Variants in SYT14 observed in about 807,000 individuals in gnomAD.
SYT14 encodes the protein synaptotagmin 14.
A neutral mutation model predicts 74.2 loss-of-function variants in SYT14; 32 were observed. The ratio of observed to expected loss-of-function variants is 0.43; its 90% confidence interval spans 0.33 to 0.58. The LOEUF is 0.58. SYT14 is among the 20% of genes least tolerant of loss of function. The probability of loss-of-function intolerance (pLI) is 0.05; values close to 1 mark genes in which losing one functional copy is unlikely to be tolerated. For missense variants in SYT14, 791 were observed against 981.8 expected (o/e 0.81, Z 2.60); for synonymous variants, 298 against 337.7 (o/e 0.88, Z 1.29).
At chr1:210,092,535 C>T (rs1305184011) in intron 5 of SYT14, among the ~76,000 whole-genome samples, 1 of 152,156 alleles carries the variant, frequency 6.6e-6, no homozygotes, top group African/African-American at 2.4e-5. Context: ...GTGGCAGCCA[C>T]ACATACTTAC....
At chr1:210,132,306 G>T (rs541135196) in intron 7 of SYT14, among the ~76,000 whole-genome samples, 84 of 151,590 alleles carry the variant, frequency 5.5e-4, no homozygotes, top group Admixed American at 1.7e-3. Flanking sequence ...TCCCATCCTG[G>T]CATGGACATC....
chr1:210,100,245 C>T (rs2082039061), exon 7 of SYT14: 1 of 1,614,060 alleles, frequency 6.2e-7, no homozygotes, highest in Non-Finnish European at 8.5e-7. Context: ...AAACCAGCAT[C>T]CAGAGAGGAC....
intron 1 of SYT14, among the ~76,000 whole-genome samples, chr1:209,942,899 T>A (rs2078758871): frequency 6.6e-6 from 1 of 152,168 alleles, no homozygotes; most frequent in South Asian, 2.1e-4. Context: ...CTAGTGAGAA[T>A]CTATGTGTGT....
intron 2 of SYT14, among the ~76,000 whole-genome samples, chr1:210,001,224 G>A (rs1262444660): frequency 6.6e-6 from 1 of 151,518 alleles, no homozygotes; most frequent in Non-Finnish European, 1.5e-5. Flanking sequence ...ATCAGGCTAA[G>A]TAAGTTACCT....
chr1:210,160,459 T>C (rs779035123), intron 9 of SYT14, among the ~76,000 whole-genome samples: 10 of 152,034 alleles, frequency 6.6e-5, no homozygotes, highest in Non-Finnish European at 1.2e-4. Context: ...GGAAGGATTA[T>C]GAGGTATACC....
intron 2 of SYT14, among the ~76,000 whole-genome samples, chr1:209,993,681 AG>A (rs2079734446): frequency 6.6e-6 from 1 of 152,116 alleles, no homozygotes; most frequent in East Asian, 1.9e-4. Flanking sequence ...ACCTAACAAA[AG>A]AAACTCAGGC....
At chr1:210,085,199 G>A (rs978841009) in intron 5 of SYT14, among the ~76,000 whole-genome samples, 4 of 152,242 alleles carry the variant, frequency 2.6e-5, no homozygotes, top group Non-Finnish European at 2.9e-5. Context: ...CTAATTGATC[G>A]AGTGTAGAAA....
intron 5 of SYT14, among the ~76,000 whole-genome samples, chr1:210,061,199 G>A (rs1372983630): frequency 6.6e-6 from 1 of 151,798 alleles, no homozygotes; most frequent in Non-Finnish European, 1.5e-5. Context: ...CATTGTAGAG[G>A]ATATTATGTT....
chr1:209,983,089 G>C lies in SYT14; in HGVS notation c.-486+30333G>C, dbSNP rs562766478. On this transcript the variant is annotated intron_variant, in intron 2 of 9. Transcript: ENST00000637265. ...TTTTAAGAGTTCTTTATATATTTTT[G>C]AAACAGTCCTTTATCAAATGTGTCT... Among the ~76,000 whole-genome samples the C allele has an allele frequency of 4.0e-5, 6 of 150,610 alleles. No homozygotes were observed. The East Asian group carries it at 7.9e-4, about 20-fold the overall frequency.
At chr1:210,068,184 T>C (rs1044898731) in intron 5 of SYT14, among the ~76,000 whole-genome samples, 3 of 151,924 alleles carry the variant, frequency 2.0e-5, no homozygotes, top group African/African-American at 7.2e-5. Context: ...TTTCTAATCT[T>C]TGGAAATCAC....
At chr1:209,944,063 G>A (rs2078782192) in intron 1 of SYT14, among the ~76,000 whole-genome samples, 1 of 151,996 alleles carries the variant, frequency 6.6e-6, no homozygotes, top group African/African-American at 2.4e-5. Flanking sequence ...ATTAGAATTG[G>A]TATTCAAGAT....
At chr1:210,065,955 C>T in intron 5 of SYT14, among the ~76,000 whole-genome samples, 1 of 151,688 alleles carries the variant, frequency 6.6e-6, no homozygotes, top group Non-Finnish European at 1.5e-5. Context: ...CAATTCCCAC[C>T]TATGAGTGAG....
At position 210,127,248 on chromosome 1, in the gene SYT14, T is replaced by A. The variant is rs190140596; in HGVS notation, c.2034+26787T>A. 2.6e-5 allele frequency among the ~76,000 whole-genome samples: 4 copies of A among 152,328 alleles called. No individual in the cohort carries two copies. In the East Asian group the frequency reaches 7.7e-4, roughly 29 times the overall value. ...TTCATTGGATAATGAGGTAGACATA[T>A]TTCCCATTCTTACCCTCACTCCCAG... On this transcript the variant is annotated intron_variant, in intron 7 of 9. Coordinates refer to ENST00000637265, the Ensembl canonical transcript of SYT14.
At chr1:210,132,337 C>T (rs1413191220) in intron 7 of SYT14, among the ~76,000 whole-genome samples, 1 of 151,510 alleles carries the variant, frequency 6.6e-6, no homozygotes, top group Non-Finnish European at 1.5e-5. Flanking sequence ...TGCTGGTGTG[C>T]CACGTGCCAC....
chr1:210,023,408 A>G (rs568165446), intron 5 of SYT14, among the ~76,000 whole-genome samples: 1 of 152,312 alleles, frequency 6.6e-6, no homozygotes, highest in South Asian at 2.1e-4. Context: ...CAGTGGCACG[A>G]TCTTGGCTCA....
intron 8 of SYT14, among the ~76,000 whole-genome samples, chr1:210,158,894 CTA>C (rs1318801952): frequency 6.6e-6 from 1 of 151,964 alleles, no homozygotes; most frequent in Non-Finnish European, 1.5e-5. Flanking sequence ...AAGCTTTGAA[CTA>C]TGTTATAGAC....
At chr1:210,031,882 T>C (rs944736311) in intron 5 of SYT14, among the ~76,000 whole-genome samples, 1 of 151,404 alleles carries the variant, frequency 6.6e-6, no homozygotes, top group Non-Finnish European at 1.5e-5. Context: ...AATGCCCACC[T>C]ATTGTTGTTT....
chr1:209,977,954 C>G (rs949618308), intron 2 of SYT14, among the ~76,000 whole-genome samples: 2 of 151,760 alleles, frequency 1.3e-5, no homozygotes, highest in African/African-American at 4.8e-5. Context: ...ATTTCATTCA[C>G]TTGATCTTCC....
intron 7 of SYT14, among the ~76,000 whole-genome samples, chr1:210,107,492 C>G (rs1417172205): frequency 6.6e-6 from 1 of 152,080 alleles, no homozygotes; most frequent in South Asian, 2.1e-4. Flanking sequence ...AGCTATAAAT[C>G]TGGACAGTAT....
Sources: gnomAD v4.1 joint callset for allele counts (sites outside exome capture counted in the v4.1 genomes callset) on GRCh38, gnomAD v4.1.1 for gene constraint, MANE v1.5 for transcripts, NCBI Gene and HGNC (gene_info 2026-07-23, HGNC 2026-07-21) for gene names.